CLSTN2: variants seen among roughly 807,000 people sequenced by gnomAD.
CLSTN2 encodes calsyntenin 2.
CLSTN2 carries 48 observed loss-of-function variants against 101.2 expected under a neutral mutation model. That is an observed-to-expected ratio of 0.47 (90% CI 0.38 to 0.60). CLSTN2 has a LOEUF of 0.60. Among genes scored for constraint, CLSTN2 ranks in the 20% least tolerant of loss-of-function variants. CLSTN2 has a pLI of 0.00. For missense variants in CLSTN2, 1,160 were observed against 1,238.2 expected (o/e 0.94, Z 0.95); for synonymous variants, 481 against 463.6 (o/e 1.04, Z -0.48).
chr3:140,323,623 G>A (rs1166996959), intron 2 of CLSTN2, among the ~76,000 whole-genome samples: 1 of 152,194 alleles, frequency 6.6e-6, no homozygotes, highest in Non-Finnish European at 1.5e-5. Flanking sequence ...CATCTGTTCA[G>A]TGAGGGGAAT....
chr3:140,159,761 C>A (rs771853776), intron 1 of CLSTN2, among the ~76,000 whole-genome samples: 12 of 152,212 alleles, frequency 7.9e-5, no homozygotes, highest in Non-Finnish European at 1.5e-4. Context: ...TGGAATCAAC[C>A]CAGTTGCCTA....
rs1343944894 is a variant in CLSTN2, at chr3:140,176,054, T to C, written c.213T>C (p.Asp71=). Residue 71 remains aspartate (D), a synonymous_variant, in exon 2 of 17, where the codon GAT becomes GAC. Transcript: ENST00000458420. ...CACCACTGGTAGCCCTGGATAAAGATGCACCGGTTCCTTTTGCAGGTGAGA... is the reference window on the plus strand; with the variant it reads ...CACCACTGGTAGCCCTGGATAAAGACGCACCGGTTCCTTTTGCAGGTGAGA... ...LDPPLVALDK[D]APVPFAGEIC... is the part of the protein sequence containing the mutation. 8 of 1,613,762 alleles carry C rather than the reference T, an allele frequency of 5.0e-6. No individual in the cohort carries two copies. The highest frequency in any genetic ancestry group is 5.9e-6 in the Non-Finnish European group (7 of 1,179,874).
At chr3:140,368,322 C>A (rs2087816144) in intron 2 of CLSTN2, among the ~76,000 whole-genome samples, 1 of 152,154 alleles carries the variant, frequency 6.6e-6, no homozygotes, top group South Asian at 2.1e-4. Flanking sequence ...CTCTGGCTTC[C>A]AGTTGCTTAA....
intron 8 of CLSTN2, among the ~76,000 whole-genome samples, chr3:140,500,971 A>G (rs1388064919): frequency 6.6e-6 from 1 of 152,184 alleles, no homozygotes; most frequent in Non-Finnish European, 1.5e-5. Flanking sequence ...AATTTAAATC[A>G]TTATGATTGA....
chr3:140,519,434 G>A (rs1934982800), intron 8 of CLSTN2, among the ~76,000 whole-genome samples: 1 of 152,146 alleles, frequency 6.6e-6, no homozygotes, highest in African/African-American at 2.4e-5. Context: ...CGCTATTATT[G>A]TTAAAATCTC....
intron 1 of CLSTN2, among the ~76,000 whole-genome samples, chr3:140,090,752 G>A (rs1188005298): frequency 2.6e-5 from 4 of 152,122 alleles, no homozygotes; most frequent in East Asian, 1.9e-4. Flanking sequence ...CAAACTTAGG[G>A]TGAAGTTTCT....
intron 2 of CLSTN2, among the ~76,000 whole-genome samples, chr3:140,249,864 G>A (rs1273204727): frequency 6.6e-6 from 1 of 152,112 alleles, no homozygotes; most frequent in Non-Finnish European, 1.5e-5. Flanking sequence ...CCTGAGTTTA[G>A]AATGCTCACC....
chr3:140,317,888 A>C (rs1448729802), intron 2 of CLSTN2, among the ~76,000 whole-genome samples: 1 of 152,068 alleles, frequency 6.6e-6, no homozygotes, highest in East Asian at 1.9e-4. Context: ...ATCATGCATT[A>C]ATTGCTCGCT....
chr3:140,354,688 GC>G (rs1247017735), intron 2 of CLSTN2, among the ~76,000 whole-genome samples: 1 of 152,176 alleles, frequency 6.6e-6, no homozygotes, highest in Non-Finnish European at 1.5e-5. Context: ...TCTGGAGTGA[GC>G]CTGGCTGAAT....
At chr3:139,938,202 T>C (rs1419087325) in intron 1 of CLSTN2, among the ~76,000 whole-genome samples, 2 of 151,926 alleles carry the variant, frequency 1.3e-5, no homozygotes, top group East Asian at 3.9e-4. Flanking sequence ...CAGATACTTC[T>C]TTCGTACAAT....
intron 1 of CLSTN2, among the ~76,000 whole-genome samples, chr3:140,107,591 C>A (rs1038208419): frequency 4.6e-5 from 7 of 152,126 alleles, no homozygotes; most frequent in Non-Finnish European, 1.0e-4. Flanking sequence ...ATTCTGAGTA[C>A]AACTGTATCT....
chr3:140,077,281 G>C (rs1039275596), intron 1 of CLSTN2, among the ~76,000 whole-genome samples: 1 of 152,174 alleles, frequency 6.6e-6, no homozygotes, highest in African/African-American at 2.4e-5. Flanking sequence ...TTCTCCGCCA[G>C]TGGCTACCTC....
At chr3:140,001,237 A>G (rs928195710) in intron 1 of CLSTN2, among the ~76,000 whole-genome samples, 1 of 152,068 alleles carries the variant, frequency 6.6e-6, no homozygotes, top group African/African-American at 2.4e-5. Flanking sequence ...GCTGTTTCCC[A>G]CAGAGCTCTT....
In CLSTN2 at chr3:140,393,350, A is replaced by G. The variant is rs544741381; in HGVS notation, c.233-10279A>G. On this transcript the variant is annotated intron_variant, in intron 2 of 16. Coordinates refer to ENST00000458420, the MANE Select transcript of CLSTN2 (RefSeq NM_022131.3). ...TGAATATTAAGTCTTCCTCTGGTTAATTGAGGAGGCTGCAATATTCAGCCC... is the reference window on the plus strand; with the variant it reads ...TGAATATTAAGTCTTCCTCTGGTTAGTTGAGGAGGCTGCAATATTCAGCCC... Among the ~76,000 whole-genome samples, 4 of 152,316 alleles carry G rather than the reference A, an allele frequency of 2.6e-5. No individual in the cohort carries two copies. The South Asian group carries it at 8.3e-4, about 32-fold the overall frequency.
intron 1 of CLSTN2, among the ~76,000 whole-genome samples, chr3:140,069,669 A>G (rs989763498): frequency 1.3e-5 from 2 of 152,204 alleles, no homozygotes; most frequent in African/African-American, 4.8e-5. Flanking sequence ...AGAGAAGTTC[A>G]CATCTTCCCT....
chr3:140,018,293 TTA>T (rs2007241539), intron 1 of CLSTN2, among the ~76,000 whole-genome samples: 1 of 152,222 alleles, frequency 6.6e-6, no homozygotes, highest in African/African-American at 2.4e-5. Context: ...TGATGCTTCT[TTA>T]TATGAGTGCT....
chr3:140,170,973 T>C (rs2010203135), intron 1 of CLSTN2, among the ~76,000 whole-genome samples: 1 of 152,202 alleles, frequency 6.6e-6, no homozygotes, highest in Non-Finnish European at 1.5e-5. Flanking sequence ...CTATCTAATT[T>C]AGACCATTTA....
At chr3:140,472,143 G>A (rs1310053640) in intron 8 of CLSTN2, among the ~76,000 whole-genome samples, 1 of 152,074 alleles carries the variant, frequency 6.6e-6, no homozygotes, top group Non-Finnish European at 1.5e-5. Flanking sequence ...ACCATACCCA[G>A]AGGGTCCCTT....
chr3:140,523,460 TTTTTTA>T (rs2107774886), intron 8 of CLSTN2, among the ~76,000 whole-genome samples: 1 of 152,286 alleles, frequency 6.6e-6, no homozygotes, highest in East Asian at 1.9e-4. Flanking sequence ...TCTTTCCAGC[TTTTTTA>T]TTTTTGTTTT....
Sources: gnomAD v4.1 joint callset for allele counts (sites outside exome capture counted in the v4.1 genomes callset) on GRCh38, gnomAD v4.1.1 for gene constraint, MANE v1.5 for transcripts, NCBI Gene and HGNC (gene_info 2026-07-23, HGNC 2026-07-21) for gene names.